Variants in IST1 observed in about 807,000 individuals in gnomAD.
IST1 encodes the protein IST1 homolog.
In IST1, 23 loss-of-function variants were observed where a neutral mutation model predicts 37.0. That is an observed-to-expected ratio of 0.62 (90% CI 0.45 to 0.88). The LOEUF is 0.88. Among genes scored for constraint, IST1 ranks in the 40% least tolerant of loss-of-function variants. The pLI is 0.00. For missense variants in IST1, 488 were observed against 445.4 expected (o/e 1.10, Z -0.86); for synonymous variants, 180 against 161.7 (o/e 1.11, Z -0.86).
intron 1 of IST1, among the ~76,000 whole-genome samples, chr16:71,913,626 G>A (rs747219720): frequency 4.5e-4 from 69 of 151,960 alleles, no homozygotes; most frequent in Non-Finnish European, 8.1e-4. Context: ...TCAGCCTCCC[G>A]AGTAGCTGGG....
At chr16:71,915,836 T>C in intron 2 of IST1, 108 bp downstream of exon 2, 2 of 652,500 alleles carry the variant, frequency 3.1e-6, no homozygotes, top group Non-Finnish European at 2.6e-6. Flanking sequence ...TATTTTTTTT[T>C]GTTGTTTTTG....
chr16:71,901,220 T>G (rs1370305111), intron 1 of IST1, among the ~76,000 whole-genome samples: 1 of 151,968 alleles, frequency 6.6e-6, no homozygotes, highest in East Asian at 1.9e-4. Flanking sequence ...TTGGTTTTTT[T>G]TCTTTTTTTT....
In IST1 at chr16:71,922,882, A is replaced by AGTTG. The variant is rs766675388; in HGVS notation, c.759+205_759+208dup. 296 of 603,982 alleles carry AGTTG rather than the reference A, an allele frequency of 4.9e-4. 1 individual carries two copies. Among genetic ancestry groups the AGTTG allele is most frequent in the Middle Eastern group, 4.9e-3 (12 of 2,462 alleles). The allele number at this position is 603,982 out of a possible 1,614,324, so 37.4% of individuals were successfully genotyped here. A position where few individuals can be genotyped will look rare whatever the true frequency, so the allele number is the denominator to read the frequency against. ...AGTTCAGCTGTAGGAAAATCTATAG[A>AGTTG]GTTGGTGCTAGAAAAACACTTTTCA... On this transcript the variant is annotated intron_variant, in intron 7 of 9. Transcript: ENST00000378799.
chr16:71,908,296 C>CTTTTTTTTTTTTTTTT (rs59849119), intron 1 of IST1, among the ~76,000 whole-genome samples: 3 of 76,820 alleles, frequency 3.9e-5, no homozygotes, highest in Non-Finnish European at 6.9e-5. Context: ...CTCGTTGTAG[C>CTTTTTTTTTTTTTTTT]TTTTTTTTTT....
intron 1 of IST1, among the ~76,000 whole-genome samples, 183 bp from the exon 2 acceptor site, chr16:71,915,443 C>T (rs192272741): frequency 6.6e-6 from 1 of 152,228 alleles, no homozygotes; most frequent in Admixed American, 6.5e-5. Flanking sequence ...CAGTATTATC[C>T]TTCCCCAATC....
chr16:71,917,494 A>G (rs573237195), intron 4 of IST1, among the ~76,000 whole-genome samples: 1 of 152,336 alleles, frequency 6.6e-6, no homozygotes, highest in East Asian at 1.9e-4. Context: ...AATATTTATT[A>G]AATAAATTGT....
At chr16:71,916,438 A>G (rs2037468564) in intron 2 of IST1, 24 bp from the exon 3 acceptor site, 1 of 1,609,422 alleles carries the variant, frequency 6.2e-7, no homozygotes, top group African/African-American at 1.3e-5. Context: ...CTGCTGTGAG[A>G]TCGGAGTGGG....
At chr16:71,897,043 G>C (rs971200352) in intron 1 of IST1, among the ~76,000 whole-genome samples, 2 of 151,990 alleles carry the variant, frequency 1.3e-5, no homozygotes, top group African/African-American at 2.4e-5. Context: ...TCTGCAGACG[G>C]GGGTCTCACT....
chr16:71,918,564 C>G (rs181423979), intron 4 of IST1, among the ~76,000 whole-genome samples: 17 of 151,948 alleles, frequency 1.1e-4, no homozygotes, highest in African/African-American at 4.1e-4. Flanking sequence ...TTACAGGTGC[C>G]CGCCACCATG....
chr16:71,913,967 C>T (rs1232949636), intron 1 of IST1, among the ~76,000 whole-genome samples: 1 of 152,068 alleles, frequency 6.6e-6, no homozygotes, highest in Non-Finnish European at 1.5e-5. Context: ...CGCCACCACG[C>T]CTGGCTAATT....
chr16:71,926,986 T>G (rs2037759389), intron 9 of IST1, among the ~76,000 whole-genome samples: 1 of 152,276 alleles, frequency 6.6e-6, no homozygotes, highest in Admixed American at 6.5e-5. Context: ...GAAGCAGTGT[T>G]TGTTCTATCA....
intron 4 of IST1, among the ~76,000 whole-genome samples, chr16:71,920,085 C>T (rs2142578834): frequency 6.6e-6 from 1 of 152,274 alleles, no homozygotes; most frequent in South Asian, 2.1e-4. Context: ...GTCTGGGCTA[C>T]ACCCGTTTGG....
intron 1 of IST1, among the ~76,000 whole-genome samples, chr16:71,909,093 G>GTTT (rs1229864503): frequency 2.1e-5 from 2 of 94,764 alleles, no homozygotes; most frequent in Admixed American, 1.2e-4. Context: ...AATTTTGTTT[G>GTTT]TCTTTTTTTT....
chr16:71,930,094 CG>C lies in IST1; in HGVS notation c.*2282del. On this transcript the variant is annotated 3_prime_UTR_variant, in exon 10 of 10. Coordinates refer to ENST00000378799, the MANE Select transcript of IST1 (RefSeq NM_001270975.2). ...CTTTTCCAAAGGCCATGAGAATGGC[CG>C]AAACGAAAAGATTAATTACCACAAG... 1 of 1,551,006 alleles carries C rather than the reference CG, an allele frequency of 6.4e-7. No individual in the cohort carries two copies. Among genetic ancestry groups the C allele is most frequent in the South Asian group, 1.2e-5 (1 of 84,012 alleles).
chr16:71,929,765 AAAT>A lies in IST1; in HGVS notation c.*1953_*1955del. 2 of 1,250,106 alleles carry A rather than the reference AAAT, an allele frequency of 1.6e-6. No homozygotes were observed. The highest frequency in any genetic ancestry group is 2.2e-6 in the Non-Finnish European group (2 of 914,544). The allele number at this position is 1,250,106 out of a possible 1,614,324, so 77.4% of individuals were successfully genotyped here. A position where few individuals can be genotyped will look rare whatever the true frequency, so the allele number is the denominator to read the frequency against. On this transcript the variant is annotated 3_prime_UTR_variant, in exon 10 of 10. Coordinates refer to ENST00000378799, the MANE Select transcript of IST1 (RefSeq NM_001270975.2). ...AAAAAAAGTACCAAAGATTTTTAAAAAATTAGTAAATGTAAAGATACTATTTCT... is the reference window on the plus strand; with the variant it reads ...AAAAAAAGTACCAAAGATTTTTAAAATAGTAAATGTAAAGATACTATTTCT...
intron 1 of IST1, among the ~76,000 whole-genome samples, chr16:71,914,040 T>G (rs771595139): frequency 6.6e-6 from 1 of 152,124 alleles, no homozygotes; most frequent in Non-Finnish European, 1.5e-5. Context: ...ACTCCCGACC[T>G]CAGGTGATCC....
chr16:71,912,635 A>T (rs375946964), intron 1 of IST1, among the ~76,000 whole-genome samples: 3 of 152,308 alleles, frequency 2.0e-5, no homozygotes, highest in African/African-American at 7.2e-5. Flanking sequence ...CAACATGACA[A>T]TTTACCAACT....
intron 1 of IST1, among the ~76,000 whole-genome samples, chr16:71,901,532 C>T (rs530295759): frequency 6.6e-6 from 1 of 152,164 alleles, no homozygotes; most frequent in South Asian, 2.1e-4. Flanking sequence ...GCTTTAAATT[C>T]GTTTTTAGTC....
chr16:71,899,102 C>G (rs531032002), intron 1 of IST1, among the ~76,000 whole-genome samples: 16 of 152,220 alleles, frequency 1.1e-4, no homozygotes, highest in Middle Eastern at 3.4e-3. Flanking sequence ...ATAGCTCCTT[C>G]AAGAAAATTT....
Sources: allele counts gnomAD v4.1 joint callset (sites outside exome capture counted in the v4.1 genomes callset), GRCh38; gene constraint gnomAD v4.1.1; transcripts MANE v1.5; gene names NCBI Gene and HGNC (gene_info 2026-07-23, HGNC 2026-07-21).